Variants in SNX29 observed in about 807,000 individuals in gnomAD.
SNX29 encodes sorting nexin-29.
SNX29 carries 78 observed loss-of-function variants against 102.1 expected under a neutral mutation model. That is an observed-to-expected ratio of 0.76 (90% CI 0.64 to 0.92). SNX29 has a LOEUF of 0.92. SNX29 is among the 40% of genes least tolerant of loss of function. The pLI is 0.00. For missense variants in SNX29, 1,280 were observed against 1,061.7 expected, an observed-to-expected ratio of 1.21 and a Z score of -2.86; for synonymous variants, 580 against 414.5, an observed-to-expected ratio of 1.40 and a Z score of -4.85.
At chr16:12,520,859 C>T (rs1014265265) in intron 19 of SNX29, among the ~76,000 whole-genome samples, 7 of 152,134 alleles carry the variant, frequency 4.6e-5, no homozygotes, top group African/African-American at 1.7e-4. Context: ...ACAGTGCACA[C>T]TGCTCAGGTG....
chr16:11,995,440 T>C (rs1176198264), intron 1 of SNX29, among the ~76,000 whole-genome samples: 1 of 152,046 alleles, frequency 6.6e-6, no homozygotes, highest in Non-Finnish European at 1.5e-5. Context: ...ATTATCTCAC[T>C]TGACAGCTTC....
intron 19 of SNX29, among the ~76,000 whole-genome samples, chr16:12,517,887 A>T (rs1057118094): frequency 6.6e-6 from 1 of 152,160 alleles, no homozygotes; most frequent in African/African-American, 2.4e-5. Context: ...CAAAATGGCA[A>T]GGCCTTCTGG....
Position 12,572,437 on chromosome 16 carries a change from T to C in SNX29, c.*3808T>C. On this transcript the variant is annotated 3_prime_UTR_variant, in exon 21 of 21. Transcript: ENST00000566228. ...GGCCCAGGCCGGCAGTGGCTGCCTCTCTTGGTTCTGCATGGTACATTTTGC... is the reference window on the plus strand; with the variant it reads ...GGCCCAGGCCGGCAGTGGCTGCCTCCCTTGGTTCTGCATGGTACATTTTGC... 10 of 1,063,498 alleles carry C rather than the reference T, an allele frequency of 9.4e-6. No homozygotes were observed. Among genetic ancestry groups the C allele is most frequent in the Non-Finnish European group, 9.1e-6 (8 of 878,112 alleles). 65.9% of individuals were successfully genotyped at this position (1,063,498 alleles called of 1,614,324 possible).
intron 10 of SNX29, among the ~76,000 whole-genome samples, chr16:12,076,186 C>G (rs62038865): frequency 6.6e-6 from 1 of 152,194 alleles, no homozygotes; most frequent in Non-Finnish European, 1.5e-5. Flanking sequence ...TCTGGCACTC[C>G]GTAGTGAGAT....
chr16:12,017,942 G>A (rs899619559), intron 3 of SNX29, among the ~76,000 whole-genome samples: 3 of 151,758 alleles, frequency 2.0e-5, no homozygotes, highest in Admixed American at 6.6e-5. Context: ...AGTCTCTCTC[G>A]TCACCCAGGC....
intron 20 of SNX29, among the ~76,000 whole-genome samples, chr16:12,564,948 A>AG (rs1298564642): frequency 1.4e-5 from 2 of 144,228 alleles, no homozygotes; most frequent in Non-Finnish European, 3.0e-5. Flanking sequence ...AAAAAAAAAA[A>AG]AAAGGCTGTC....
intron 19 of SNX29, among the ~76,000 whole-genome samples, chr16:12,504,093 T>C (rs2151901051): frequency 6.6e-6 from 1 of 152,274 alleles, no homozygotes; most frequent in South Asian, 2.1e-4. Context: ...CAACCACTCA[T>C]CTGTTTTCTG....
intron 20 of SNX29, among the ~76,000 whole-genome samples, chr16:12,542,025 T>G (rs11645899): frequency 0.12 from 18,322 of 152,104 alleles, 1,380 homozygotes; most frequent in Non-Finnish European, 0.16. Flanking sequence ...CCGCTCTGTT[T>G]TTTCTTTTTT....
chr16:12,564,575 C>G (rs1008484545), intron 20 of SNX29, among the ~76,000 whole-genome samples: 1 of 152,186 alleles, frequency 6.6e-6, no homozygotes, highest in Non-Finnish European at 1.5e-5. Flanking sequence ...GATTGCCATC[C>G]AGACGCCCCT....
chr16:12,273,872 C>G (rs1567384064), intron 14 of SNX29, among the ~76,000 whole-genome samples: 1 of 152,246 alleles, frequency 6.6e-6, no homozygotes, highest in South Asian at 2.1e-4. Context: ...TTTCCCCTGG[C>G]TGAATGCTCT....
Position 12,569,277 on chromosome 16 carries a change from C to T in SNX29, c.*648C>T, listed in dbSNP as rs1171744778. On this transcript the variant is annotated 3_prime_UTR_variant, in exon 21 of 21. Coordinates refer to ENST00000566228, the MANE Select transcript of SNX29 (RefSeq NM_032167.5). ...TGATGTGCAACTTGAGTTCAGAGAACTTCCCCTACCTCCCCCATGGCTGGC... is the reference window on the plus strand; with the variant it reads ...TGATGTGCAACTTGAGTTCAGAGAATTTCCCCTACCTCCCCCATGGCTGGC... 3 of 228,620 alleles carry T rather than the reference C, an allele frequency of 1.3e-5. No individual in the cohort carries two copies. The highest frequency in any genetic ancestry group is 6.7e-5 in the African/African-American group (3 of 45,030). The allele number at this position is 228,620 out of a possible 1,614,324, so 14.2% of individuals were successfully genotyped here.
intron 14 of SNX29, among the ~76,000 whole-genome samples, chr16:12,273,660 C>G (rs909692893): frequency 2.6e-5 from 4 of 152,156 alleles, no homozygotes; most frequent in Non-Finnish European, 4.4e-5. Flanking sequence ...GCCCGACCCT[C>G]AGTGGTTTTT....
intron 18 of SNX29, among the ~76,000 whole-genome samples, chr16:12,476,792 A>G (rs1379880428): frequency 6.6e-6 from 1 of 152,154 alleles, no homozygotes; most frequent in African/African-American, 2.4e-5. Context: ...TGAACACATA[A>G]TGTCTGTGTT....
At chr16:12,332,738 T>C (rs936300668) in intron 15 of SNX29, among the ~76,000 whole-genome samples, 1 of 152,164 alleles carries the variant, frequency 6.6e-6, no homozygotes, top group African/African-American at 2.4e-5. Context: ...CAGCCTGATC[T>C]CTAGCACTTC....
Position 12,046,223 on chromosome 16 carries a change from G to A in SNX29, c.429-161G>A, listed in dbSNP as rs150884924. On this transcript the variant is annotated intron_variant, in intron 5 of 20. Coordinates refer to ENST00000566228, the MANE Select transcript of SNX29 (RefSeq NM_032167.5). The stretch of plus-strand genomic sequence containing the variant: ...GATGTAAGTGTTCAGTCTTCTGTTT[G>A]TAACCAGAAGCTGTAAACCAGCAGA... Among the ~76,000 whole-genome samples, 234 of 152,336 alleles carry A rather than the reference G, an allele frequency of 1.5e-3. 1 individual carries two copies. The highest frequency in any genetic ancestry group is 2.5e-3 in the Non-Finnish European group (170 of 68,036).
At chr16:12,510,146 A>T (rs1324870087) in intron 19 of SNX29, among the ~76,000 whole-genome samples, 1 of 152,224 alleles carries the variant, frequency 6.6e-6, no homozygotes, top group Admixed American at 6.5e-5. Context: ...GATGTAGCCC[A>T]TACCGCCCAG....
At chr16:12,476,905 CATG>C (rs530442854) in intron 18 of SNX29, among the ~76,000 whole-genome samples, 195 of 152,286 alleles carry the variant, frequency 1.3e-3, no homozygotes, top group Non-Finnish European at 2.4e-3. Context: ...TATTGACACT[CATG>C]GAGTGTAAAT....
chr16:12,182,033 G>A (rs1462169760), intron 13 of SNX29, among the ~76,000 whole-genome samples: 4 of 151,906 alleles, frequency 2.6e-5, no homozygotes, highest in South Asian at 2.1e-4. Context: ...ACAGGCATGC[G>A]CCACCACGCC....
intron 20 of SNX29, among the ~76,000 whole-genome samples, chr16:12,558,328 CAA>C (rs1006498280): frequency 2.5e-4 from 38 of 149,832 alleles, no homozygotes; most frequent in African/African-American, 9.0e-4. Flanking sequence ...TGGCTATCAA[CAA>C]AGAGACAAAG....
Sources: allele counts gnomAD v4.1 joint callset (sites outside exome capture counted in the v4.1 genomes callset), GRCh38; gene constraint gnomAD v4.1.1; transcripts MANE v1.5; gene names NCBI Gene and HGNC (gene_info 2026-07-23, HGNC 2026-07-21).